The following GPM6A variants were observed in gnomAD, a reference collection of about 807,000 sequenced individuals.
GPM6A encodes the protein glycoprotein M6A, also known as neuronal membrane glycoprotein M6-a.
In GPM6A, 7 loss-of-function variants were observed where a neutral mutation model predicts 32.1. The observed-to-expected ratio is 0.22, with a 90% confidence interval of 0.12 to 0.41. The LOEUF (loss-of-function observed/expected upper bound fraction) is 0.41. Among genes scored for constraint, GPM6A ranks in the 10% least tolerant of loss-of-function variants. The probability of loss-of-function intolerance (pLI) is 1.00; values close to 1 mark genes in which losing one functional copy is unlikely to be tolerated. For missense variants in GPM6A, 235 were observed against 347.2 expected (o/e 0.68, Z 2.57); for synonymous variants, 130 against 123.4 (o/e 1.05, Z -0.35).
intron 1 of GPM6A, among the ~76,000 whole-genome samples, chr4:175,887,866 C>A (rs1263258660): frequency 1.3e-5 from 2 of 151,802 alleles, no homozygotes; most frequent in Non-Finnish European, 3.0e-5. Flanking sequence ...GCCCACTGAT[C>A]AATAGCCAGG....
At chr4:175,739,961 T>A (rs150474244) in intron 1 of GPM6A, among the ~76,000 whole-genome samples, 26 of 152,020 alleles carry the variant, frequency 1.7e-4, no homozygotes, top group African/African-American at 5.3e-4. Flanking sequence ...AAATAGAAAA[T>A]ACAAAAAACC....
At chr4:175,669,774 T>G (rs1742951294) in intron 3 of GPM6A, among the ~76,000 whole-genome samples, 2 of 152,154 alleles carry the variant, frequency 1.3e-5, no homozygotes, top group African/African-American at 4.8e-5. Flanking sequence ...TTTACTGAGT[T>G]GAAAAAGTAA....
At chr4:175,948,347 C>A (rs76551448) in intron 1 of GPM6A, among the ~76,000 whole-genome samples, 1 of 152,122 alleles carries the variant, frequency 6.6e-6, no homozygotes, top group East Asian at 1.9e-4. Flanking sequence ...AATGATTTTT[C>A]TTTCCTTCAT....
chr4:175,869,372 G>A (rs1736833253), intron 1 of GPM6A, among the ~76,000 whole-genome samples: 1 of 151,960 alleles, frequency 6.6e-6, no homozygotes, highest in African/African-American at 2.4e-5. Flanking sequence ...GTGATTCTGT[G>A]TATAGGACAC....
chr4:175,844,518 G>T (rs1027574374), intron 1 of GPM6A, among the ~76,000 whole-genome samples: 8 of 152,082 alleles, frequency 5.3e-5, no homozygotes, highest in African/African-American at 1.9e-4. Context: ...TTCATTTTAG[G>T]TTTCAATAAT....
At chr4:175,819,194 A>C (rs1324401602) in intron 1 of GPM6A, among the ~76,000 whole-genome samples, 1 of 152,168 alleles carries the variant, frequency 6.6e-6, no homozygotes, top group Non-Finnish European at 1.5e-5. Flanking sequence ...TTTACTCAAA[A>C]TCCAAACACT....
chr4:175,733,783 T>G (rs2111148638), intron 1 of GPM6A, among the ~76,000 whole-genome samples: 1 of 152,328 alleles, frequency 6.6e-6, no homozygotes, highest in South Asian at 2.1e-4. Flanking sequence ...ATTGTGTGCC[T>G]GCGAGTAGTG....
intron 1 of GPM6A, among the ~76,000 whole-genome samples, chr4:175,730,830 GTAC>G: frequency 6.6e-6 from 1 of 152,176 alleles, no homozygotes; most frequent in Non-Finnish European, 1.5e-5. Context: ...GTTCACCAAA[GTAC>G]ATGATTCAGT....
intron 1 of GPM6A, among the ~76,000 whole-genome samples, chr4:175,751,335 C>A (rs1474828346): frequency 6.6e-6 from 1 of 152,060 alleles, no homozygotes; most frequent in African/African-American, 2.4e-5. Flanking sequence ...TACAGTCAAT[C>A]AGTAAAATTA....
chr4:175,706,449 A>G (rs1295677685), intron 1 of GPM6A, among the ~76,000 whole-genome samples: 1 of 152,212 alleles, frequency 6.6e-6, no homozygotes, highest in Non-Finnish European at 1.5e-5. Flanking sequence ...GAGGCCAACA[A>G]AATTGTGGAT....
chr4:175,757,696 T>C (rs1314605126), intron 1 of GPM6A, among the ~76,000 whole-genome samples: 1 of 152,032 alleles, frequency 6.6e-6, no homozygotes, highest in African/African-American at 2.4e-5. Context: ...ATTTTAAAGT[T>C]CAAGGAAAAA....
At chr4:175,922,993 T>C (rs191238787) in intron 1 of GPM6A, among the ~76,000 whole-genome samples, 4 of 152,232 alleles carry the variant, frequency 2.6e-5, no homozygotes, top group Admixed American at 1.3e-4. Flanking sequence ...CTCATTTTTA[T>C]CTGTACTGGT....
At chr4:175,701,113 C>A (rs1277719094) in intron 2 of GPM6A, among the ~76,000 whole-genome samples, 1 of 152,248 alleles carries the variant, frequency 6.6e-6, no homozygotes, top group Middle Eastern at 3.4e-3. Flanking sequence ...ATATTTACAT[C>A]ATTTCTGTAA....
At chr4:175,783,996 C>T (rs1365650970) in intron 1 of GPM6A, among the ~76,000 whole-genome samples, 1 of 152,002 alleles carries the variant, frequency 6.6e-6, no homozygotes, top group African/African-American at 2.4e-5. Context: ...CAGAATGTCT[C>T]ACTTTTTTAA....
intron 1 of GPM6A, among the ~76,000 whole-genome samples, chr4:175,893,846 T>C (rs890996900): frequency 5.9e-5 from 9 of 152,124 alleles, no homozygotes; most frequent in African/African-American, 2.2e-4. Flanking sequence ...TCAACTCATC[T>C]CTTTGTAGGA....
chr4:175,882,713 G>A (rs1314986229), intron 1 of GPM6A, among the ~76,000 whole-genome samples: 2 of 151,870 alleles, frequency 1.3e-5, no homozygotes, highest in Non-Finnish European at 2.9e-5. Flanking sequence ...TAGGGAACAA[G>A]ACCAAAAAGA....
intron 1 of GPM6A, among the ~76,000 whole-genome samples, chr4:175,826,654 T>G (rs1462712980): frequency 6.6e-6 from 1 of 152,152 alleles, no homozygotes; most frequent in African/African-American, 2.4e-5. Context: ...ATGCAATTTG[T>G]GCAGTGAAAT....
intron 1 of GPM6A, among the ~76,000 whole-genome samples, chr4:175,913,429 T>A (rs1552987): frequency 0.1 from 15,879 of 152,254 alleles, 900 homozygotes; most frequent in South Asian, 0.27. Flanking sequence ...AAGTAGTAGC[T>A]GGTAATCCTT....
chr4:175,993,013 G>A (rs961799860), intron 1 of GPM6A, among the ~76,000 whole-genome samples: 1 of 151,998 alleles, frequency 6.6e-6, no homozygotes, highest in South Asian at 2.1e-4. Flanking sequence ...CATTTTCAGT[G>A]TCTGCCTTTC....
Sources: gnomAD v4.1 joint callset for allele counts (sites outside exome capture counted in the v4.1 genomes callset) on GRCh38, gnomAD v4.1.1 for gene constraint, MANE v1.5 for transcripts, NCBI Gene and HGNC (gene_info 2026-07-23, HGNC 2026-07-21) for gene names.